The following PDE8B variants were observed in gnomAD, a reference collection of about 807,000 sequenced individuals.
PDE8B encodes phosphodiesterase 8B, also known as high affinity cAMP-specific and IBMX-insensitive 3',5'-cyclic phosphodiesterase 8B.
Under a neutral mutation model 101.3 loss-of-function variants are expected in PDE8B, and 26 were observed. The ratio of observed to expected loss-of-function variants is 0.26; its 90% CI spans 0.19 to 0.36. The LOEUF (loss-of-function observed/expected upper bound fraction) is 0.36, where lower values mean the gene tolerates loss of function less well. Ranked by LOEUF, PDE8B falls within the 10% of genes least tolerant of loss-of-function variation. PDE8B has a pLI of 1.00. For missense variants in PDE8B, 810 were observed against 1,163.1 expected, an observed-to-expected ratio of 0.70 and a Z score of 4.42; for synonymous variants, 424 against 429.3, an observed-to-expected ratio of 0.99 and a Z score of 0.15.
At chr5:77,273,906 T>C (rs1763302774) in intron 1 of PDE8B, among the ~76,000 whole-genome samples, 1 of 152,034 alleles carries the variant, frequency 6.6e-6, no homozygotes, top group African/African-American at 2.4e-5. Context: ...CACTGCAACC[T>C]CCGCCTCTTG....
chr5:77,156,807 G>A, the PDE8B span, among the ~76,000 whole-genome samples: 3 of 152,168 alleles, frequency 2.0e-5, no homozygotes, highest in African/African-American at 7.2e-5. Flanking sequence ...GGAATGGGGT[G>A]GGGAGGTAAG....
chr5:77,208,638 G>A (rs1013182206), upstream of PDE8B, among the ~76,000 whole-genome samples: 2 of 152,204 alleles, frequency 1.3e-5, no homozygotes, highest in Admixed American at 6.5e-5. Context: ...AGGAAACATG[G>A]ATCTCAGCAG....
intron 1 of PDE8B, among the ~76,000 whole-genome samples, chr5:77,303,780 C>T (rs930649156): frequency 6.6e-6 from 1 of 152,066 alleles, no homozygotes; most frequent in African/African-American, 2.4e-5. Flanking sequence ...AAGTGGTATC[C>T]TAAGGTATGC....
chr5:77,259,200 T>C (rs1192901572), intron 1 of PDE8B, among the ~76,000 whole-genome samples: 1 of 151,538 alleles, frequency 6.6e-6, no homozygotes, highest in Non-Finnish European at 1.5e-5. Context: ...AGCCTCTTCC[T>C]GCTAAAATCC....
chr5:77,194,689 C>A, the PDE8B span, among the ~76,000 whole-genome samples: 1 of 152,100 alleles, frequency 6.6e-6, no homozygotes, highest in African/African-American at 2.4e-5. Context: ...TAAATGGAAT[C>A]ATAATAGTGG....
upstream of PDE8B, among the ~76,000 whole-genome samples, chr5:77,208,342 A>G (rs555653439): frequency 3.3e-4 from 51 of 152,352 alleles, no homozygotes; most frequent in African/African-American, 1.1e-3. Context: ...TCAGTATGTG[A>G]AGGCTGTCAT....
At chr5:77,331,496 G>A in intron 5 of PDE8B, 37 bp downstream of exon 5, 1 of 1,528,834 alleles carries the variant, frequency 6.5e-7, no homozygotes. Flanking sequence ...CTCAGTTGCA[G>A]GCACCTTAAC....
intron 2 of PDE8B, among the ~76,000 whole-genome samples, chr5:77,317,439 A>G (rs1406172798): frequency 6.6e-6 from 1 of 152,114 alleles, no homozygotes; most frequent in African/African-American, 2.4e-5. Context: ...ATTTACTCCC[A>G]TGTCAGGAAA....
At chr5:77,410,052 T>C (rs1043629176) in intron 14 of PDE8B, among the ~76,000 whole-genome samples, 1 of 152,226 alleles carries the variant, frequency 6.6e-6, no homozygotes, top group Non-Finnish European at 1.5e-5. Context: ...CCATGTTCCC[T>C]CCCTCCCCTG....
chr5:77,282,708 G>C (rs1765258218), intron 1 of PDE8B, among the ~76,000 whole-genome samples: 1 of 152,038 alleles, frequency 6.6e-6, no homozygotes, highest in Admixed American at 6.5e-5. Flanking sequence ...TCTTCCGACA[G>C]CGAATTTGAG....
At chr5:77,282,749 G>C (rs988438035) in intron 1 of PDE8B, among the ~76,000 whole-genome samples, 2 of 152,072 alleles carry the variant, frequency 1.3e-5, no homozygotes. Flanking sequence ...GCACGCTCAG[G>C]AAAGTGTGAA....
the PDE8B span, chr5:77,146,625 G>T: frequency 3.5e-6 from 1 of 287,566 alleles, no homozygotes; most frequent in Non-Finnish European, 6.8e-6. Flanking sequence ...TGCATTCTTT[G>T]GCAAACTTGT....
At chr5:77,372,265 T>C (rs1326140164) in intron 10 of PDE8B, among the ~76,000 whole-genome samples, 2 of 152,168 alleles carry the variant, frequency 1.3e-5, no homozygotes, top group Non-Finnish European at 2.9e-5. Context: ...ACTTGTGAAC[T>C]TGCTTGATGG....
chr5:77,401,533 C>A (rs1792281118), intron 11 of PDE8B, among the ~76,000 whole-genome samples: 1 of 152,160 alleles, frequency 6.6e-6, no homozygotes, highest in Non-Finnish European at 1.5e-5. Flanking sequence ...TCTCTCCATG[C>A]TTAAATTTCT....
chr5:77,421,734 T>C, intron 19 of PDE8B, 87 bp from the exon 20 acceptor site: 1 of 1,289,420 alleles, frequency 7.8e-7, no homozygotes, highest in East Asian at 2.4e-5. Flanking sequence ...GTGTGCTCGG[T>C]GATCACCATC....
At chr5:77,319,457 T>C (rs10474499) in intron 2 of PDE8B, among the ~76,000 whole-genome samples, 14,188 of 152,190 alleles carry the variant, frequency 0.093, 1,171 homozygotes, top group African/African-American at 0.22. Flanking sequence ...AATGACATTA[T>C]GCAAAAATAG....
At chr5:77,205,283 T>TC in the PDE8B span, among the ~76,000 whole-genome samples, 2 of 152,224 alleles carry the variant, frequency 1.3e-5, no homozygotes, top group Non-Finnish European at 2.9e-5. Flanking sequence ...CTCCTTAGTT[T>TC]CACTTGGCCT....
chr5:77,343,233 G>A (rs1409394141), intron 6 of PDE8B, among the ~76,000 whole-genome samples: 1 of 152,150 alleles, frequency 6.6e-6, no homozygotes, highest in Non-Finnish European at 1.5e-5. Flanking sequence ...TTGCAATAAT[G>A]AAATACAGTC....
chr5:77,362,566 C>T (rs1036989794), intron 10 of PDE8B, among the ~76,000 whole-genome samples: 1 of 152,242 alleles, frequency 6.6e-6, no homozygotes, highest in Non-Finnish European at 1.5e-5. Flanking sequence ...AAACTCTTAG[C>T]AGCATACTGT....
Sources: allele counts gnomAD v4.1 joint callset (sites outside exome capture counted in the v4.1 genomes callset), GRCh38; gene constraint gnomAD v4.1.1; transcripts MANE v1.5; gene names NCBI Gene and HGNC (gene_info 2026-07-23, HGNC 2026-07-21).